The following TRIM6 variants were observed in gnomAD, a reference collection of about 807,000 sequenced individuals.
The protein encoded by TRIM6 is tripartite motif-containing protein 6.
In TRIM6, 43 loss-of-function variants were observed where a neutral mutation model predicts 51.2. The ratio of observed to expected loss-of-function variants is 0.84; its 90% CI spans 0.66 to 1.08. TRIM6 has a LOEUF of 1.08. Among genes scored for constraint, TRIM6 ranks in the 50% least tolerant of loss-of-function variants. The pLI is 0.00. For missense variants in TRIM6, 669 were observed against 619.0 expected (o/e 1.08, Z -0.86); for synonymous variants, 215 against 232.4 (o/e 0.93, Z 0.68).
intron 1 of TRIM6, among the ~76,000 whole-genome samples, chr11:5,602,224 A>G (rs1275619163): frequency 6.6e-6 from 1 of 151,922 alleles, no homozygotes; most frequent in Admixed American, 6.5e-5. Flanking sequence ...GCGGATCATG[A>G]GGTCAGGAGA....
intron 2 of TRIM6, 138 bp from the exon 3 acceptor site, chr11:5,604,396 T>C: frequency 3.5e-6 from 3 of 853,970 alleles, no homozygotes; most frequent in Admixed American, 5.3e-5. Context: ...AAAGATTTGT[T>C]GGCCCTCTCA....
intron 1 of TRIM6, among the ~76,000 whole-genome samples, 190 bp from the exon 2 acceptor site, chr11:5,603,056 A>T (rs1332921815): frequency 2.6e-5 from 4 of 152,208 alleles, no homozygotes; most frequent in Admixed American, 6.5e-5. Flanking sequence ...AGAGGAAATT[A>T]TCACTGCTTT....
chr11:5,598,364 T>C (rs1428649547), intron 1 of TRIM6, among the ~76,000 whole-genome samples: 1 of 152,114 alleles, frequency 6.6e-6, no homozygotes, highest in Non-Finnish European at 1.5e-5. Flanking sequence ...CTTACAAATC[T>C]TTTTTCTGCT....
At chr11:5,596,302 T>C (rs1436073321), upstream of TRIM6, 1 of 154,540 alleles carries the variant, frequency 6.5e-6, no homozygotes, top group Non-Finnish European at 1.4e-5. Flanking sequence ...GAGGGAGACT[T>C]CTGCATTTTC....
At chr11:5,604,658 T>C in intron 3 of TRIM6, 29 bp downstream of exon 3, 1 of 1,603,492 alleles carries the variant, frequency 6.2e-7, no homozygotes, top group Non-Finnish European at 8.5e-7. Context: ...GAAGATGTCC[T>C]GGGGCAGGAA....
intron 3 of TRIM6, chr11:5,605,133 C>A (rs1226467675): frequency 6.0e-6 from 4 of 663,858 alleles, no homozygotes; most frequent in Admixed American, 2.8e-5. Context: ...ATAAAGCAGC[C>A]CGGGGCCAAT....
At position 5,598,918 on chromosome 11, in the gene TRIM6, C is replaced by CT. The variant is rs539665701; in HGVS notation, c.17+2007dup. On this transcript the variant is annotated intron_variant, in intron 1 of 7. Transcript: ENST00000380097. ...ATCATGATACATAAAGGGCATTTCCCTTTATGTATTCACCCTTCAAATTTC... is the reference window on the plus strand; with the variant it reads ...ATCATGATACATAAAGGGCATTTCCCTTTTATGTATTCACCCTTCAAATTTC... Among the ~76,000 whole-genome samples the CT allele has an allele frequency of 1.9e-3, 292 of 152,252 alleles. 8 individuals carry two copies. The South Asian group carries it at 0.059, about 31-fold the overall frequency.
In TRIM6 at chr11:5,612,297, A is replaced by C. The variant is rs1008917743; in HGVS notation, c.*955A>C. 7.9e-5 allele frequency: 12 copies of C among 152,236 alleles called. No individual in the cohort carries two copies. Among genetic ancestry groups the C allele is most frequent in the African/African-American group, 2.9e-4 (12 of 41,464 alleles). 9.4% of individuals were successfully genotyped at this position (152,236 alleles called of 1,614,324 possible). A position where few individuals can be genotyped will look rare whatever the true frequency, so the allele number is the denominator to read the frequency against. Reference sequence around the variant, plus strand: ...ATGTATAGGATTGAGCTCTAAAACCAAACCATTATAATGATAATTTGGGTA... The same window carrying C: ...ATGTATAGGATTGAGCTCTAAAACCCAACCATTATAATGATAATTTGGGTA... On this transcript the variant is annotated 3_prime_UTR_variant, in exon 8 of 8. Transcript: ENST00000380097.
At chr11:5,608,330 G>T in intron 4 of TRIM6, 42 bp from the exon 5 acceptor site, 2 of 1,612,054 alleles carry the variant, frequency 1.2e-6, no homozygotes, top group South Asian at 2.2e-5. Context: ...ATAAGGGCAT[G>T]ACCTGTTACT....
chr11:5,607,506 CG>C (rs529810089), intron 4 of TRIM6, among the ~76,000 whole-genome samples: 286 of 152,210 alleles, frequency 1.9e-3, no homozygotes, highest in Middle Eastern at 3.4e-3. Flanking sequence ...AGCTTTTCTT[CG>C]GGGTCATTGA....
chr11:5,601,547 C>G (rs1331997923), intron 1 of TRIM6, among the ~76,000 whole-genome samples: 1 of 152,114 alleles, frequency 6.6e-6, no homozygotes, highest in African/African-American at 2.4e-5. Context: ...CACTTGAGGT[C>G]AGGAGTTCGA....
rs1414327086 is a variant in TRIM6 at position 5,602,431 on chromosome 11, A to G, written c.18-815A>G. Among the ~76,000 whole-genome samples the G allele has an allele frequency of 2.0e-5, 3 of 151,792 alleles. No individual in the cohort carries two copies. The South Asian group carries it at 6.3e-4, about 32-fold the overall frequency. ...GCACTCCAGCCTGGGCGACAGAGCAAGACCCCCTAATGAGGTGAATATGTG... is the reference window on the plus strand; with the variant it reads ...GCACTCCAGCCTGGGCGACAGAGCAGGACCCCCTAATGAGGTGAATATGTG... On this transcript the variant is annotated intron_variant, in intron 1 of 7. Coordinates refer to ENST00000380097, the MANE Select transcript of TRIM6 (RefSeq NM_001003818.3).
intron 2 of TRIM6, 89 bp from the exon 3 acceptor site, chr11:5,604,445 T>A: frequency 7.1e-7 from 1 of 1,403,636 alleles, no homozygotes; most frequent in East Asian, 2.4e-5. Flanking sequence ...CTTTTGAGGT[T>A]AGCAGAATCT....
intron 7 of TRIM6, 42 bp from the exon 8 acceptor site, chr11:5,610,735 T>C (rs773647947): frequency 5.6e-6 from 9 of 1,598,070 alleles, no homozygotes; most frequent in Non-Finnish European, 6.8e-6. Context: ...ACGAGACCCA[T>C]GTCCCCGTTC....
intron 1 of TRIM6, among the ~76,000 whole-genome samples, chr11:5,602,800 A>G (rs887139507): frequency 2.8e-4 from 43 of 151,406 alleles, no homozygotes; most frequent in African/African-American, 1.0e-3. Flanking sequence ...CTAAAAATAC[A>G]AAAACTAGCC....
At chr11:5,599,631 C>T (rs1335520451) in intron 1 of TRIM6, among the ~76,000 whole-genome samples, 2 of 152,094 alleles carry the variant, frequency 1.3e-5, no homozygotes, top group Non-Finnish European at 1.5e-5. Context: ...TCTCGATCTC[C>T]TGACCTTGTG....
At chr11:5,600,774 G>A (rs1198217094) in intron 1 of TRIM6, among the ~76,000 whole-genome samples, 4 of 152,078 alleles carry the variant, frequency 2.6e-5, no homozygotes, top group African/African-American at 7.2e-5. Flanking sequence ...TGCTCCCTAC[G>A]CACTGTGGCC....
At chr11:5,597,006 A>G in intron 1 of TRIM6, 92 bp downstream of exon 1, 1 of 1,596,160 alleles carries the variant, frequency 6.3e-7, no homozygotes, top group Non-Finnish European at 8.5e-7. Context: ...CCCTTTCGGA[A>G]CTCATTATAT....
chr11:5,604,354 C>A (rs888024682), intron 2 of TRIM6, among the ~76,000 whole-genome samples, 180 bp from the exon 3 acceptor site: 6 of 152,276 alleles, frequency 3.9e-5, no homozygotes, highest in Middle Eastern at 6.8e-3. Context: ...ATCAGCCTAT[C>A]CCTGTTGGTT....
Sources: allele counts gnomAD v4.1 joint callset (sites outside exome capture counted in the v4.1 genomes callset), GRCh38; gene constraint gnomAD v4.1.1; transcripts MANE v1.5; gene names NCBI Gene and HGNC (gene_info 2026-07-23, HGNC 2026-07-21).